BABAM2: variants seen among roughly 807,000 people sequenced by gnomAD.
BABAM2 encodes BRISC and BRCA1-A complex member 2.
Under a neutral mutation model 54.7 loss-of-function variants are expected in BABAM2, and 31 were observed. The ratio of observed to expected loss-of-function variants is 0.57; its 90% CI spans 0.43 to 0.77. The LOEUF (loss-of-function observed/expected upper bound fraction) is 0.77. Ranked by LOEUF, BABAM2 falls within the 30% of genes least tolerant of loss-of-function variation. The probability of loss-of-function intolerance (pLI) is 0.00; values close to 1 mark genes in which losing one functional copy is unlikely to be tolerated. For missense variants in BABAM2, 364 were observed against 455.8 expected (o/e 0.80, Z 1.83); for synonymous variants, 167 against 162.9 (o/e 1.03, Z -0.19).
rs1166010421 is a variant in BABAM2, at chr2:27,928,626, G to A, written c.129-1206G>A. On this transcript the variant is annotated intron_variant, in intron 2 of 11. Transcript: ENST00000379624. ...ATTTATTTCAACTATGCATCCATCC[G>A]TTAAATTACTTTTATAGGTTCTTTT... Among the ~76,000 whole-genome samples, 5 of 152,066 alleles carry A rather than the reference G, an allele frequency of 3.3e-5. No individual in the cohort carries two copies. In the South Asian group the frequency reaches 8.3e-4, roughly 25 times the overall value.
intron 11 of BABAM2, among the ~76,000 whole-genome samples, chr2:28,306,298 G>A (rs10165668): frequency 0.65 from 99,047 of 151,974 alleles, 32,514 homozygotes; most frequent in Middle Eastern, 0.8. Flanking sequence ...TATGTCTATT[G>A]TATCAGTTAT....
intron 7 of BABAM2, among the ~76,000 whole-genome samples, chr2:28,196,060 G>C (rs1677500090): frequency 6.6e-6 from 1 of 152,210 alleles, no homozygotes; most frequent in Non-Finnish European, 1.5e-5. Flanking sequence ...GGGCGTGGTG[G>C]CTTACGCCTG....
chr2:28,161,103 G>A (rs1184812879), intron 7 of BABAM2, among the ~76,000 whole-genome samples: 2 of 152,166 alleles, frequency 1.3e-5, no homozygotes, highest in Non-Finnish European at 2.9e-5. Context: ...GCATAACTGG[G>A]AAATTGCATA....
At chr2:28,206,049 A>T (rs1387265626) in intron 7 of BABAM2, among the ~76,000 whole-genome samples, 1 of 152,142 alleles carries the variant, frequency 6.6e-6, no homozygotes, top group African/African-American at 2.4e-5. Flanking sequence ...TCAAGGCTGG[A>T]GGGGTTTCCA....
chr2:28,182,613 T>A (rs770459865), intron 7 of BABAM2, among the ~76,000 whole-genome samples: 14 of 152,192 alleles, frequency 9.2e-5, no homozygotes, highest in Non-Finnish European at 1.5e-4. Flanking sequence ...CTGTATGTCA[T>A]TCAGGGTTCC....
At chr2:27,968,962 T>C (rs1457451121) in intron 3 of BABAM2, among the ~76,000 whole-genome samples, 1 of 152,162 alleles carries the variant, frequency 6.6e-6, no homozygotes, top group Non-Finnish European at 1.5e-5. Context: ...AGGGGTGGAA[T>C]GATATGGCTT....
intron 3 of BABAM2, among the ~76,000 whole-genome samples, chr2:27,947,779 T>C (rs1332700349): frequency 2.0e-5 from 3 of 152,220 alleles, no homozygotes; most frequent in Non-Finnish European, 4.4e-5. Flanking sequence ...GAGTTTATTT[T>C]TGTATACGAT....
chr2:28,125,362 C>T (rs551994715), intron 6 of BABAM2, among the ~76,000 whole-genome samples: 90 of 152,124 alleles, frequency 5.9e-4, no homozygotes, highest in African/African-American at 1.9e-3. Flanking sequence ...GGCACCATCT[C>T]GGCTCACTGC....
intron 5 of BABAM2, among the ~76,000 whole-genome samples, chr2:28,039,882 A>G (rs948822329): frequency 6.6e-6 from 1 of 152,224 alleles, no homozygotes; most frequent in Admixed American, 6.5e-5. Context: ...CAGTTGGCAG[A>G]AAGGCTGACA....
At chr2:28,046,180 C>T (rs978003398) in intron 6 of BABAM2, among the ~76,000 whole-genome samples, 5 of 152,214 alleles carry the variant, frequency 3.3e-5, no homozygotes, top group Non-Finnish European at 7.3e-5. Flanking sequence ...CTTGGCCGGG[C>T]GCGGTGGCTC....
chr2:28,229,643 G>A (rs1371778358), intron 7 of BABAM2, among the ~76,000 whole-genome samples: 1 of 150,560 alleles, frequency 6.6e-6, no homozygotes, highest in Non-Finnish European at 1.5e-5. Flanking sequence ...GGAGTACAGT[G>A]GCACAATCTC....
intron 7 of BABAM2, among the ~76,000 whole-genome samples, chr2:28,188,663 G>GTTTAGGTA (rs912554704): frequency 6.6e-5 from 10 of 152,156 alleles, no homozygotes; most frequent in African/African-American, 2.4e-4. Context: ...CCTCGGGGCT[G>GTTTAGGTA]TTTAGGTTCT....
intron 2 of BABAM2, among the ~76,000 whole-genome samples, chr2:27,901,516 A>T (rs986965856): frequency 1.3e-5 from 2 of 152,222 alleles, no homozygotes; most frequent in Non-Finnish European, 1.5e-5. Flanking sequence ...TTACTTAGTT[A>T]AAAATAGATA....
intron 2 of BABAM2, among the ~76,000 whole-genome samples, chr2:27,917,340 C>A (rs563918146): frequency 2.0e-5 from 3 of 152,046 alleles, no homozygotes; most frequent in African/African-American, 7.2e-5. Context: ...AAATTATGCA[C>A]CCTGTCTTAG....
intron 5 of BABAM2, among the ~76,000 whole-genome samples, chr2:28,032,382 C>T (rs894852484): frequency 9.9e-5 from 15 of 152,230 alleles, no homozygotes; most frequent in African/African-American, 3.6e-4. Flanking sequence ...ATCAGTCTTC[C>T]GACAAGTCTG....
intron 3 of BABAM2, among the ~76,000 whole-genome samples, chr2:27,969,448 C>A (rs1229503939): frequency 6.6e-6 from 1 of 152,136 alleles, no homozygotes; most frequent in African/African-American, 2.4e-5. Context: ...CACAACCCCC[C>A]AGCTATGTGA....
intron 1 of BABAM2, 82 bp from the exon 2 acceptor site, chr2:27,894,451 G>T: frequency 7.5e-7 from 1 of 1,331,646 alleles, no homozygotes; most frequent in Non-Finnish European, 1.1e-6. Context: ...AGGAACTGCT[G>T]TATGCTGTCC....
intron 10 of BABAM2, among the ~76,000 whole-genome samples, chr2:28,259,666 G>A (rs1016428684): frequency 1.4e-4 from 21 of 151,986 alleles, no homozygotes; most frequent in East Asian, 1.9e-4. Flanking sequence ...TTGCCTAACC[G>A]AGTTCACAAA....
chr2:28,056,255 T>G (rs1413470400), intron 6 of BABAM2, among the ~76,000 whole-genome samples: 2 of 152,158 alleles, frequency 1.3e-5, no homozygotes, highest in Non-Finnish European at 2.9e-5. Flanking sequence ...TGAGTAGATT[T>G]CAGCTGCTCT....
Sources: gnomAD v4.1 joint callset for allele counts (sites outside exome capture counted in the v4.1 genomes callset) on GRCh38, gnomAD v4.1.1 for gene constraint, MANE v1.5 for transcripts, NCBI Gene and HGNC (gene_info 2026-07-23, HGNC 2026-07-21) for gene names.